Variants in DCAF1 observed in about 807,000 individuals in gnomAD.
The protein encoded by DCAF1 is DDB1 and CUL4 associated factor 1, also known as DDB1- and CUL4-associated factor 1.
DCAF1 carries 15 observed loss-of-function variants against 128.0 expected under a neutral mutation model. That is an observed-to-expected ratio of 0.12 (90% CI 0.08 to 0.18). The LOEUF is 0.18. DCAF1 is among the 10% of genes least tolerant of loss of function. The pLI, the probability that DCAF1 is intolerant of heterozygous loss-of-function variation, is 1.00. For missense variants in DCAF1, 988 were observed against 1,649.5 expected (o/e 0.60, Z 6.95); for synonymous variants, 610 against 603.0 (o/e 1.01, Z -0.17).
At chr3:51,410,973 C>T (rs1301779831) in intron 23 of DCAF1, among the ~76,000 whole-genome samples, 1 of 152,062 alleles carries the variant, frequency 6.6e-6, no homozygotes, top group Non-Finnish European at 1.5e-5. Flanking sequence ...GCCTGGCCAA[C>T]ATTGTGAAAC....
intron 23 of DCAF1, among the ~76,000 whole-genome samples, chr3:51,407,956 G>A (rs1553627190): frequency 1.5e-5 from 2 of 135,126 alleles, no homozygotes; most frequent in Non-Finnish European, 3.1e-5. Flanking sequence ...CTGCGCTCCA[G>A]CCTGGGTGAC....
chr3:51,419,126 C>T (rs754884417), intron 15 of DCAF1, among the ~76,000 whole-genome samples: 2 of 151,814 alleles, frequency 1.3e-5, no homozygotes, highest in Admixed American at 6.6e-5. Context: ...TTTGGGAGGC[C>T]GAAGGGGGGG....
rs983271767 is a variant in DCAF1, at chr3:51,441,530, C to A, written c.881G>T (p.Arg294Leu). 1.9e-6 allele frequency: 3 copies of A among 1,613,996 alleles called. No individual in the cohort carries two copies. The highest frequency in any genetic ancestry group is 1.1e-5 in the South Asian group (1 of 91,078). ...KLGFSSSDPDRMFVELSNSSW... is the reference protein window; with the variant it reads ...KLGFSSSDPDLMFVELSNSSW... ...GCTATTAGACAGCTCAACAAACATG[C>A]GATCTGGATCAGAAGATGAGAAACC... Residue 294 changes from arginine to leucine, a missense_variant, in exon 8 of 25, where the codon CGC becomes CTC. Physicochemically the swap from Arg to Leu is moderately radical, Grantham distance 102. This residue lies in a region of DCAF1 where 210 missense variants were observed against 260.2 expected (regional missense o/e 0.81). Transcript: ENST00000684031.
chr3:51,470,261 T>C (rs137982797), intron 4 of DCAF1, among the ~76,000 whole-genome samples: 143 of 152,224 alleles, frequency 9.4e-4, no homozygotes, highest in African/African-American at 3.3e-3. Flanking sequence ...CCTTTTGTTT[T>C]TATGGTTTAA....
intron 23 of DCAF1, among the ~76,000 whole-genome samples, chr3:51,411,897 G>A (rs1698454473): frequency 6.6e-6 from 1 of 151,966 alleles, no homozygotes; most frequent in African/African-American, 2.4e-5. Flanking sequence ...ATCATCTGAG[G>A]TCAGGAGGTT....
intron 10 of DCAF1, 70 bp downstream of exon 10, chr3:51,433,036 C>T (rs1165027053): frequency 1.3e-5 from 5 of 397,650 alleles, no homozygotes; most frequent in East Asian, 1.1e-4. Context: ...AGTCATTCTG[C>T]GAATGTGATC....
intron 16 of DCAF1, 25 bp downstream of exon 16, chr3:51,418,653 G>A (rs568104496): frequency 6.3e-7 from 1 of 1,586,822 alleles, no homozygotes; most frequent in South Asian, 1.1e-5. Flanking sequence ...GAATGACTGA[G>A]AGCATCCTAG....
intron 5 of DCAF1, 99 bp from the exon 6 acceptor site, chr3:51,463,326 C>T (rs1271649755): frequency 5.1e-5 from 31 of 606,910 alleles, no homozygotes; most frequent in Non-Finnish European, 7.3e-5. Context: ...ACTTTCTTAA[C>T]GGGTATGAAA....
At chr3:51,430,783 A>G (rs1168281369) in intron 10 of DCAF1, among the ~76,000 whole-genome samples, 1 of 152,208 alleles carries the variant, frequency 6.6e-6, no homozygotes, top group African/African-American at 2.4e-5. Context: ...ATAAACACCA[A>G]AATAAAAACA....
intron 2 of DCAF1, among the ~76,000 whole-genome samples, chr3:51,487,760 T>C (rs1165041581): frequency 1.3e-5 from 2 of 151,972 alleles, no homozygotes; most frequent in East Asian, 3.9e-4. Flanking sequence ...AGGCTGGTCG[T>C]GAACTCCTGG....
intron 4 of DCAF1, among the ~76,000 whole-genome samples, chr3:51,469,791 C>T (rs557513907): frequency 1.1e-4 from 16 of 151,960 alleles, no homozygotes; most frequent in Admixed American, 9.8e-4. Flanking sequence ...GAGGTGGAGG[C>T]GGGTGGATCA....
Position 51,466,804 on chromosome 3 carries a change from G to A in DCAF1, c.260C>T (p.Ala87Val), listed in dbSNP as rs1559547562. The A allele has an allele frequency of 6.2e-7, 1 of 1,613,114 alleles. No individual in the cohort carries two copies. The highest frequency in any genetic ancestry group is 8.5e-7 in the Non-Finnish European group (1 of 1,179,248). ...ILFKNDDFMN[A>V]LVNAYVMTSR... ...GAGAAAAGTAAGAAGCAAACCTACTGCATTCATGAAATCATCATTCTTGAA... is the reference window on the plus strand; with the variant it reads ...GAGAAAAGTAAGAAGCAAACCTACTACATTCATGAAATCATCATTCTTGAA... Residue 87 changes from alanine to valine, a missense_variant and splice_region_variant, in exon 5 of 25, where the codon GCA (alanine) becomes GTA (valine). Ala to Val is a moderately conservative substitution (Grantham distance 64). This residue lies in a region of DCAF1 where 210 missense variants were observed against 260.2 expected (regional missense o/e 0.81). Transcript: ENST00000684031.
At chr3:51,477,372 A>G (rs1705594583) in intron 3 of DCAF1, among the ~76,000 whole-genome samples, 3 of 151,620 alleles carry the variant, frequency 2.0e-5, no homozygotes, top group South Asian at 2.1e-4. Flanking sequence ...CAGTAAAGAG[A>G]CCCACAATTT....
Position 51,429,482 on chromosome 3 carries a change from C to T in DCAF1, c.1468-12G>A, listed in dbSNP as rs781988840. ...TCCAAAGTACTGATCTATTAAGATG[C>T]AAAATATTGGGGCAAAAGAGGGGAA... On this transcript the variant is annotated splice_polypyrimidine_tract_variant and intron_variant, in intron 11 of 24. Transcript: ENST00000684031. 74 of 777,914 alleles carry T rather than the reference C, an allele frequency of 9.5e-5. 1 individual carries two copies. In the Middle Eastern group the frequency reaches 1.3e-3, roughly 14 times the overall value. The allele number at this position is 777,914 out of a possible 1,614,324, so 48.2% of individuals were successfully genotyped here.
At position 51,405,918 on chromosome 3, in the gene DCAF1, C is replaced by T. The variant is rs531552207; in HGVS notation, c.4213-2523G>A. 1.2e-4 allele frequency among the ~76,000 whole-genome samples: 19 copies of T among 152,282 alleles called. No individual in the cohort carries two copies. The East Asian group carries it at 3.5e-3, about 28-fold the overall frequency. On this transcript the variant is annotated intron_variant, in intron 23 of 24. Coordinates refer to ENST00000684031, the MANE Select transcript of DCAF1 (RefSeq NM_001387579.1). ...GCACAACGGCACACACCTGTAGTCC[C>T]AGCTACTCAGGAAGCTGAGGCAGGA...
At chr3:51,479,902 C>G (rs1029755302) in intron 3 of DCAF1, among the ~76,000 whole-genome samples, 2 of 151,628 alleles carry the variant, frequency 1.3e-5, no homozygotes, top group Non-Finnish European at 2.9e-5. Context: ...AAGTGGTGGC[C>G]AGTATGGTGG....
At chr3:51,491,095 A>G (rs1707588306) in intron 2 of DCAF1, among the ~76,000 whole-genome samples, 1 of 151,742 alleles carries the variant, frequency 6.6e-6, no homozygotes, top group Non-Finnish European at 1.5e-5. Context: ...CACACCTGTA[A>G]TCCCAGCACT....
At chr3:51,405,321 C>T (rs1485990633) in intron 23 of DCAF1, among the ~76,000 whole-genome samples, 1 of 152,112 alleles carries the variant, frequency 6.6e-6, no homozygotes, top group Non-Finnish European at 1.5e-5. Flanking sequence ...AAGAACTGAA[C>T]AAAAAGCTTC....
intron 19 of DCAF1, 97 bp downstream of exon 19, chr3:51,414,527 A>G: frequency 6.7e-7 from 1 of 1,487,050 alleles, no homozygotes; most frequent in Non-Finnish European, 9.0e-7. Context: ...ACCAGTGTGG[A>G]CACTTTAACC....
Sources: allele counts gnomAD v4.1 joint callset (sites outside exome capture counted in the v4.1 genomes callset), GRCh38; gene constraint gnomAD v4.1.1; regional missense constraint gnomAD v4.1.1; transcripts MANE v1.5; gene names NCBI Gene and HGNC (gene_info 2026-07-23, HGNC 2026-07-21).